The following CENPA variants were observed in gnomAD, a reference collection of about 807,000 sequenced individuals.
The protein encoded by CENPA is histone H3-like centromeric protein A.
CENPA carries 7 observed loss-of-function variants against 17.2 expected under a neutral mutation model. The ratio of observed to expected loss-of-function variants is 0.41; its 90% CI spans 0.23 to 0.76. The LOEUF (loss-of-function observed/expected upper bound fraction) is 0.76, where lower values mean the gene tolerates loss of function less well. CENPA is among the 30% of genes least tolerant of loss of function. The pLI, the probability that CENPA is intolerant of heterozygous loss-of-function variation, is 0.34. For missense variants in CENPA, 149 were observed against 193.1 expected, an observed-to-expected ratio of 0.77 and a Z score of 1.35; for synonymous variants, 82 against 77.4, an observed-to-expected ratio of 1.06 and a Z score of -0.31.
chr2:26,786,280 GC>G lies in CENPA; in HGVS notation c.85del (p.Arg29GlyfsTer5). On this transcript the variant is annotated frameshift_variant, in exon 1 of 5. Transcript: ENST00000335756. LOFTEE classifies it high-confidence loss of function. ...CGACCCCGACCCCCGGCCCCTCCCGGCGGGGCCCCTCCTTAGGTAACCGGCC... is the reference window on the plus strand; with the variant it reads ...CGACCCCGACCCCCGGCCCCTCCCGGGGGGCCCCTCCTTAGGTAACCGGCC... ...SPTPTPGPSRRGPSLGASSHQ... is the reference protein window; with the variant it reads ...SPTPTPGPSRXGPSLGASSHQ... 7.4e-7 allele frequency: 1 copy of G among 1,342,594 alleles called. No homozygotes were observed. Among genetic ancestry groups the G allele is most frequent in the Non-Finnish European group, 9.5e-7 (1 of 1,052,248 alleles). The allele number at this position is 1,342,594 out of a possible 1,614,324, so 83.2% of individuals were successfully genotyped here.
At chr2:26,793,115 G>A in intron 3 of CENPA, 30 bp from the exon 4 acceptor site, 2 of 1,612,914 alleles carry the variant, frequency 1.2e-6, no homozygotes, top group Non-Finnish European at 1.7e-6. Context: ...CCCTTCATCT[G>A]TGTCCGTCTT....
At chr2:26,792,414 T>C in intron 2 of CENPA, 174 bp downstream of exon 2, 2 of 700,204 alleles carry the variant, frequency 2.9e-6, no homozygotes, top group Non-Finnish European at 5.2e-6. Flanking sequence ...TGTAATTCTT[T>C]ATGGAATTGA....
intron 1 of CENPA, among the ~76,000 whole-genome samples, chr2:26,790,276 A>G (rs193104873): frequency 3.3e-5 from 5 of 151,714 alleles, no homozygotes; most frequent in African/African-American, 1.2e-4. Context: ...TTCATCTTCA[A>G]ATTTTCTGTG....
intron 1 of CENPA, among the ~76,000 whole-genome samples, chr2:26,791,337 C>G (rs1664611019): frequency 6.6e-6 from 1 of 152,172 alleles, no homozygotes; most frequent in Non-Finnish European, 1.5e-5. Flanking sequence ...ATTAAGTTTC[C>G]TCTTCAACAC....
chr2:26,793,100 C>T (rs372857657), intron 3 of CENPA, 45 bp from the exon 4 acceptor site: 54 of 1,610,294 alleles, frequency 3.4e-5, no homozygotes, highest in Admixed American at 2.5e-4. Context: ...AAAAGCAGCC[C>T]GTGGCCCTTC....
At position 26,792,420 on chromosome 2, in the gene CENPA, ATTGAT is replaced by A. The variant is rs563061220; in HGVS notation, c.210+183_210+187del. On this transcript the variant is annotated intron_variant, in intron 2 of 4. Coordinates refer to ENST00000335756, the MANE Select transcript of CENPA (RefSeq NM_001809.4). ...AGAGCACCTTGTAATTCTTTATGGA[ATTGAT>A]TTCTAACCTCTACTACCTTTTTAAA... 1.5e-4 allele frequency: 106 copies of A among 701,258 alleles called. 1 individual carries two copies. In the African/African-American group the frequency reaches 1.7e-3, roughly 11 times the overall value. 43.4% of individuals were successfully genotyped at this position (701,258 alleles called of 1,614,324 possible). A position where few individuals can be genotyped will look rare whatever the true frequency, so the allele number is the denominator to read the frequency against.
chr2:26,787,444 T>A (rs1664530595), intron 1 of CENPA, among the ~76,000 whole-genome samples: 1 of 151,264 alleles, frequency 6.6e-6, no homozygotes, highest in Non-Finnish European at 1.5e-5. Context: ...CTTGATCTCC[T>A]GACCTCGTGA....
intron 1 of CENPA, among the ~76,000 whole-genome samples, chr2:26,791,758 G>C (rs965860685): frequency 6.6e-6 from 1 of 152,236 alleles, no homozygotes; most frequent in African/African-American, 2.4e-5. Flanking sequence ...GCAAAGCCCA[G>C]AGGAGGGCGG....
At position 26,786,269 on chromosome 2, in the gene CENPA, G is replaced by C; in HGVS notation, c.73G>C (p.Gly25Arg). 1.5e-6 allele frequency: 2 copies of C among 1,346,458 alleles called. No individual in the cohort carries two copies. Among genetic ancestry groups the C allele is most frequent in the South Asian group, 1.8e-5 (1 of 55,528 alleles). 83.4% of individuals were successfully genotyped at this position (1,346,458 alleles called of 1,614,324 possible). The change falls in exon 1 of 5, where the codon GGC (glycine) becomes CGC (arginine). Residue 25 changes from glycine to arginine, a missense_variant. By Grantham distance (125) the Gly-to-Arg change is moderately radical. This residue lies in a region of CENPA where 95 missense variants were observed against 87.5 expected (regional missense o/e 1.09). Coordinates refer to ENST00000335756, the MANE Select transcript of CENPA (RefSeq NM_001809.4). The stretch of plus-strand genomic sequence containing the variant: ...CAGCCCGAGCCCGACCCCGACCCCC[G>C]GCCCCTCCCGGCGGGGCCCCTCCTT... ...RRSPSPTPTP[G>R]PSRRGPSLGA...
At chr2:26,791,903 T>C (rs1259713108) in intron 1 of CENPA, among the ~76,000 whole-genome samples, 1 of 152,252 alleles carries the variant, frequency 6.6e-6, no homozygotes, top group African/African-American at 2.4e-5. Flanking sequence ...TATTTTCTAA[T>C]TGCTGAAGAT....
At position 26,786,571 on chromosome 2, in the gene CENPA, C is replaced by A. The variant is rs752918364; in HGVS notation, c.100+275C>A. Among the ~76,000 whole-genome samples the A allele has an allele frequency of 7.3e-4, 112 of 152,386 alleles. 1 individual carries two copies. The highest frequency in any genetic ancestry group is 1.5e-4 in the Non-Finnish European group (10 of 68,038). On this transcript the variant is annotated intron_variant, in intron 1 of 4. Coordinates refer to ENST00000335756, the MANE Select transcript of CENPA (RefSeq NM_001809.4). ...CCAGCGCCCACCGCCCACCGCCAAC[C>A]AGGCATTGCCTCCCACTGTTCGTGC...
intron 1 of CENPA, among the ~76,000 whole-genome samples, chr2:26,787,374 C>T (rs987827154): frequency 6.7e-6 from 1 of 149,228 alleles, no homozygotes; most frequent in Admixed American, 6.7e-5. Context: ...TACCACCACG[C>T]CCGGCTAATT....
At chr2:26,790,526 A>G (rs1048261870) in intron 1 of CENPA, among the ~76,000 whole-genome samples, 5 of 152,134 alleles carry the variant, frequency 3.3e-5, no homozygotes, top group Non-Finnish European at 7.4e-5. Flanking sequence ...GGGTTTCTCC[A>G]TGTTCATCAG....
intron 1 of CENPA, among the ~76,000 whole-genome samples, chr2:26,788,541 C>T (rs183496914): frequency 7.2e-4 from 109 of 152,260 alleles, no homozygotes; most frequent in African/African-American, 2.5e-3. Flanking sequence ...AAAGCCCTTC[C>T]TTCTACATGG....
chr2:26,790,373 C>CTAGA (rs1231649309), intron 1 of CENPA, among the ~76,000 whole-genome samples: 1 of 152,088 alleles, frequency 6.6e-6, no homozygotes, highest in Non-Finnish European at 1.5e-5. Context: ...GTTGCCCAGG[C>CTAGA]TAGAGTACAG....
chr2:26,792,685 C>A, intron 2 of CENPA, 71 bp from the exon 3 acceptor site: 1 of 1,229,654 alleles, frequency 8.1e-7, no homozygotes, highest in Non-Finnish European at 1.2e-6. Flanking sequence ...TCATGGAGAG[C>A]ATCATTGTCC....
In CENPA at chr2:26,793,120, C is replaced by T. The variant is rs57358285; in HGVS notation, c.289-25C>T. 2,320 of 1,613,070 alleles carry T rather than the reference C, an allele frequency of 1.4e-3. 38 individuals are homozygous for T. In the African/African-American group the frequency reaches 0.026, roughly 18 times the overall value. On this transcript the variant is annotated intron_variant, in intron 3 of 4. Transcript: ENST00000335756. The stretch of plus-strand genomic sequence containing the variant: ...CAGCCCGTGGCCCTTCATCTGTGTC[C>T]GTCTTTTTCTCTTTCTGTCTCCAGG...
Position 26,794,573 on chromosome 2 carries a change from AAAAT to A in CENPA, c.*811_*814del, listed in dbSNP as rs1664680654. ...TCTTTGTAGAGAGATAATAAAAATC[AAAAT>A]ATTTAATGAAAATGGACTTACTGTT... On this transcript the variant is annotated 3_prime_UTR_variant, in exon 5 of 5. Transcript: ENST00000335756. 6.6e-6 allele frequency: 1 copy of A among 152,250 alleles called. No homozygotes were observed. Among genetic ancestry groups the A allele is most frequent in the African/African-American group, 2.4e-5 (1 of 41,466 alleles). 9.4% of individuals were successfully genotyped at this position (152,250 alleles called of 1,614,324 possible). A position where few individuals can be genotyped will look rare whatever the true frequency, so the allele number is the denominator to read the frequency against.
intron 1 of CENPA, among the ~76,000 whole-genome samples, chr2:26,790,049 C>G (rs1054701861): frequency 3.3e-5 from 5 of 152,204 alleles, no homozygotes; most frequent in Non-Finnish European, 7.3e-5. Context: ...TCCATGATCT[C>G]TCTAATTGGT....
Sources: gnomAD v4.1 joint callset for allele counts (sites outside exome capture counted in the v4.1 genomes callset) on GRCh38, gnomAD v4.1.1 for gene constraint, gnomAD v4.1.1 regional missense constraint, MANE v1.5 for transcripts, NCBI Gene and HGNC (gene_info 2026-07-23, HGNC 2026-07-21) for gene names.